The following SAMD5 variants were observed in gnomAD, a reference collection of about 807,000 sequenced individuals.
SAMD5 encodes the protein sterile alpha motif domain containing 5.
In SAMD5, 13 loss-of-function variants were observed where a neutral mutation model predicts 11.3. That is an observed-to-expected ratio of 1.15 (90% confidence interval 0.75 to 1.83). The LOEUF (loss-of-function observed/expected upper bound fraction) is 1.83. Among genes scored for constraint, SAMD5 ranks in the 40% most tolerant of loss-of-function variants. SAMD5 has a pLI of 0.00. For missense variants in SAMD5, 255 were observed against 239.1 expected, an observed-to-expected ratio of 1.07 and a Z score of -0.44; for synonymous variants, 129 against 111.3, an observed-to-expected ratio of 1.16 and a Z score of -1.00.
At chr6:147,881,388 C>T in the SAMD5 span, among the ~76,000 whole-genome samples, 1 of 152,232 alleles carries the variant, frequency 6.6e-6, no homozygotes, top group East Asian at 1.9e-4. Flanking sequence ...CAAGGTTCCC[C>T]GCGGCAGAGG....
At chr6:147,863,324 G>T in the SAMD5 span, among the ~76,000 whole-genome samples, 1 of 152,132 alleles carries the variant, frequency 6.6e-6, no homozygotes. Context: ...AAGAAAACTG[G>T]CAGGGGAGAC....
intron 1 of SAMD5, among the ~76,000 whole-genome samples, chr6:147,674,479 A>G (rs148249734): frequency 1.2e-4 from 18 of 152,162 alleles, no homozygotes; most frequent in Admixed American, 9.2e-4. Context: ...TTCTCACTAA[A>G]ATCTGGCGGG....
At chr6:147,643,784 G>A (rs1429884286) in intron 1 of SAMD5, among the ~76,000 whole-genome samples, 14 of 135,620 alleles carry the variant, frequency 1.0e-4, no homozygotes, top group Non-Finnish European at 2.0e-4. Flanking sequence ...AAGGAAGGAA[G>A]GAAGGAAGGA....
chr6:147,638,204 T>C (rs1269861407), intron 1 of SAMD5, among the ~76,000 whole-genome samples: 2 of 152,160 alleles, frequency 1.3e-5, no homozygotes, highest in Non-Finnish European at 1.5e-5. Flanking sequence ...AACGTGTCTA[T>C]TTCTGAAAAT....
At chr6:147,886,683 T>C in the SAMD5 span, among the ~76,000 whole-genome samples, 2 of 152,128 alleles carry the variant, frequency 1.3e-5, no homozygotes, top group Non-Finnish European at 2.9e-5. Flanking sequence ...GGCCATATTA[T>C]GAACTGCCAA....
At chr6:147,595,196 T>G (rs931928281) in intron 1 of SAMD5, among the ~76,000 whole-genome samples, 3 of 152,244 alleles carry the variant, frequency 2.0e-5, no homozygotes, top group Non-Finnish European at 2.9e-5. Flanking sequence ...AAATGCCTGA[T>G]ACATTTGGAA....
At chr6:147,543,181 G>A (rs908389613) in intron 1 of SAMD5, among the ~76,000 whole-genome samples, 14 of 152,262 alleles carry the variant, frequency 9.2e-5, no homozygotes, top group Admixed American at 3.9e-4. Context: ...ACAAAATTAA[G>A]AGCGGAAGTC....
chr6:147,580,551 C>G (rs1789281936), intron 1 of SAMD5, among the ~76,000 whole-genome samples: 1 of 152,210 alleles, frequency 6.6e-6, no homozygotes, highest in Non-Finnish European at 1.5e-5. Flanking sequence ...GCGCTGGTCA[C>G]TGGGGTAGCC....
chr6:147,946,025 T>G, the SAMD5 span, among the ~76,000 whole-genome samples: 2 of 152,300 alleles, frequency 1.3e-5, no homozygotes, highest in African/African-American at 4.8e-5. Context: ...CCCACAACTT[T>G]CTTATAAAAG....
At chr6:147,710,978 G>T (rs775870543) in intron 1 of SAMD5, among the ~76,000 whole-genome samples, 1 of 151,290 alleles carries the variant, frequency 6.6e-6, no homozygotes, top group Non-Finnish European at 1.5e-5. Flanking sequence ...GAAAGAAGGT[G>T]GGGAGGAGGG....
chr6:147,510,374 A>T (rs1788070148), intron 1 of SAMD5, among the ~76,000 whole-genome samples: 1 of 152,214 alleles, frequency 6.6e-6, no homozygotes. Flanking sequence ...GACTTGATAG[A>T]GAAGTAGACA....
intron 1 of SAMD5, among the ~76,000 whole-genome samples, chr6:147,713,551 A>G (rs1791427302): frequency 6.6e-6 from 1 of 152,156 alleles, no homozygotes; most frequent in South Asian, 2.1e-4. Flanking sequence ...AAAGGGAATG[A>G]CCCTGTATCA....
the SAMD5 span, among the ~76,000 whole-genome samples, chr6:147,857,250 C>A: frequency 6.6e-6 from 1 of 151,484 alleles, no homozygotes; most frequent in African/African-American, 2.4e-5. Flanking sequence ...TGCCTGTAAT[C>A]CCAGCACTTT....
At chr6:147,709,570 C>T (rs776799844) in intron 1 of SAMD5, among the ~76,000 whole-genome samples, 1 of 152,092 alleles carries the variant, frequency 6.6e-6, no homozygotes, top group Non-Finnish European at 1.5e-5. Context: ...TGGTCACCAC[C>T]CAGAGAGGTG....
At chr6:147,803,754 T>C in the SAMD5 span, among the ~76,000 whole-genome samples, 2 of 152,236 alleles carry the variant, frequency 1.3e-5, no homozygotes, top group Non-Finnish European at 2.9e-5. Flanking sequence ...GAAGCTGTGC[T>C]GTCTGACTCC....
chr6:147,727,704 A>C (rs1791648598), intron 1 of SAMD5, among the ~76,000 whole-genome samples: 1 of 151,766 alleles, frequency 6.6e-6, no homozygotes, highest in Non-Finnish European at 1.5e-5. Context: ...CTGAAGACCC[A>C]CCAGAGTCCC....
intron 1 of SAMD5, among the ~76,000 whole-genome samples, chr6:147,701,364 A>C (rs999283289): frequency 2.0e-5 from 3 of 152,284 alleles, no homozygotes; most frequent in Admixed American, 6.5e-5. Context: ...ACTGGGCATG[A>C]TGGTCATGCC....
At chr6:147,696,791 A>G (rs1281452405) in intron 1 of SAMD5, among the ~76,000 whole-genome samples, 2 of 152,212 alleles carry the variant, frequency 1.3e-5, no homozygotes, top group East Asian at 3.8e-4. Context: ...TAATATACAT[A>G]AAACAGTCAA....
chr6:147,919,357 C>T, the SAMD5 span, among the ~76,000 whole-genome samples: 6 of 152,106 alleles, frequency 3.9e-5, no homozygotes, highest in African/African-American at 1.4e-4. Context: ...TGAGTTATAA[C>T]TTGGGGGCCG....
Sources: allele counts gnomAD v4.1 joint callset (sites outside exome capture counted in the v4.1 genomes callset), GRCh38; gene constraint gnomAD v4.1.1; transcripts MANE v1.5; gene names NCBI Gene and HGNC (gene_info 2026-07-23, HGNC 2026-07-21).